Variants in CRIM1 observed in about 807,000 individuals in gnomAD.
The protein encoded by CRIM1 is cysteine rich transmembrane BMP regulator 1, also known as cysteine-rich motor neuron 1 protein.
A neutral mutation model predicts 116.4 loss-of-function variants in CRIM1; 32 were observed. The observed-to-expected ratio is 0.27, with a 90% confidence interval of 0.21 to 0.37. CRIM1 has a LOEUF of 0.37. Ranked by LOEUF, CRIM1 falls within the 10% of genes least tolerant of loss-of-function variation. The probability of loss-of-function intolerance (pLI) is 1.00; values close to 1 mark genes in which losing one functional copy is unlikely to be tolerated. For missense variants in CRIM1, 1,331 were observed against 1,354.8 expected, an observed-to-expected ratio of 0.98 and a Z score of 0.28; for synonymous variants, 590 against 509.2, an observed-to-expected ratio of 1.16 and a Z score of -2.13.
intron 4 of CRIM1, among the ~76,000 whole-genome samples, chr2:36,455,941 A>T (rs1677100118): frequency 6.6e-6 from 1 of 152,152 alleles, no homozygotes; most frequent in African/African-American, 2.4e-5. Context: ...TTCACTTTGC[A>T]CTGATGACAA....
chr2:36,467,437 T>C (rs1257899765), intron 5 of CRIM1, among the ~76,000 whole-genome samples: 1 of 152,232 alleles, frequency 6.6e-6, no homozygotes, highest in African/African-American at 2.4e-5. Context: ...TATATAAATA[T>C]ACTTACCACC....
At chr2:36,464,483 C>A (rs1423778054) in intron 4 of CRIM1, 51 bp from the exon 5 acceptor site, 1 of 1,609,044 alleles carries the variant, frequency 6.2e-7, no homozygotes, top group Non-Finnish European at 8.5e-7. Flanking sequence ...CTCCCGACTT[C>A]TATGTTGTTG....
rs1461055524 is a variant in CRIM1, at chr2:36,534,223, AGGAAGGAGGGTGG to A, written c.2429-3118_2429-3106del. On this transcript the variant is annotated intron_variant, in intron 13 of 16. Coordinates refer to ENST00000280527, the MANE Select transcript of CRIM1 (RefSeq NM_016441.3). Reference sequence around the variant, plus strand: ...GAGAAAAGGATGGGAAAGATAAGGAAGGAAGGAGGGTGGGGAAGGAGGGAGGGGGAAGGAGGAA... The same window carrying A: ...GAGAAAAGGATGGGAAAGATAAGGAAGGAAGGAGGGAGGGGGAAGGAGGAA... Among the ~76,000 whole-genome samples, 144 of 115,176 alleles carry A rather than the reference AGGAAGGAGGGTGG, an allele frequency of 1.3e-3. 1 individual carries two copies. Among genetic ancestry groups the A allele is most frequent in the African/African-American group, 4.7e-3 (137 of 29,304 alleles). The allele number at this position is 115,176 out of a possible 152,430, so 75.6% of individuals were successfully genotyped here.
chr2:36,419,141 G>A lies in CRIM1; in HGVS notation c.506-22117G>A, dbSNP rs567698468. Among the ~76,000 whole-genome samples the A allele has an allele frequency of 1.2e-3, 181 of 152,256 alleles. 1 individual carries two copies. Among genetic ancestry groups the A allele is most frequent in the Non-Finnish European group, 1.9e-3 (127 of 68,022 alleles). On this transcript the variant is annotated intron_variant, in intron 2 of 16. Transcript: ENST00000280527. The stretch of plus-strand genomic sequence containing the variant: ...TGGTAGAGTAGCTGAGTGGTTTATA[G>A]GCTTCCTATTCAAGAGGGAGGTGTC...
chr2:36,481,814 A>G (rs970747420), intron 7 of CRIM1, among the ~76,000 whole-genome samples: 4 of 152,160 alleles, frequency 2.6e-5, no homozygotes, highest in African/African-American at 9.7e-5. Context: ...CCTGCCCCAC[A>G]CAGCATCCCA....
Position 36,513,903 on chromosome 2 carries a change from A to G in CRIM1, c.1990+138A>G, listed in dbSNP as rs562249324. On this transcript the variant is annotated intron_variant, in intron 11 of 16. Coordinates refer to ENST00000280527, the MANE Select transcript of CRIM1 (RefSeq NM_016441.3). ...TTTCAGCACTGTGTGGTTTTTGTCA[A>G]CCACCACCACAGAATCATCCAGGCA... 24 of 687,482 alleles carry G rather than the reference A, an allele frequency of 3.5e-5. 1 individual carries two copies. The highest frequency in any genetic ancestry group is 2.2e-4 in the South Asian group (12 of 54,752). 42.6% of individuals were successfully genotyped at this position (687,482 alleles called of 1,614,324 possible). A position where few individuals can be genotyped will look rare whatever the true frequency, so the allele number is the denominator to read the frequency against.
chr2:36,366,275 A>G (rs983324371), intron 1 of CRIM1, among the ~76,000 whole-genome samples: 1 of 152,186 alleles, frequency 6.6e-6, no homozygotes, highest in African/African-American at 2.4e-5. Flanking sequence ...AAACTACTTT[A>G]GTACCTCTCA....
chr2:36,440,297 G>C lies in CRIM1; in HGVS notation c.506-961G>C, dbSNP rs145490718. Among the ~76,000 whole-genome samples the C allele has an allele frequency of 5.6e-4, 85 of 152,270 alleles. 1 individual carries two copies. In the East Asian group the frequency reaches 0.011, roughly 20 times the overall value. ...AATTCTGTGTTTGGGTTTTACTTTA[G>C]GAAGACCAATTAACACTTACGGAAA... is the stretch of plus-strand genomic sequence containing the variant. On this transcript the variant is annotated intron_variant, in intron 2 of 16. Transcript: ENST00000280527.
intron 12 of CRIM1, among the ~76,000 whole-genome samples, chr2:36,521,320 T>C (rs940447412): frequency 6.6e-6 from 1 of 152,186 alleles, no homozygotes; most frequent in South Asian, 2.1e-4. Flanking sequence ...AGATTTCTTA[T>C]CTTTCAGTCA....
chr2:36,380,104 A>G (rs150345260), intron 1 of CRIM1, among the ~76,000 whole-genome samples: 40 of 151,986 alleles, frequency 2.6e-4, no homozygotes, highest in African/African-American at 8.0e-4. Flanking sequence ...CTTCTCCCCA[A>G]TCTCCCCAGC....
At chr2:36,548,491 T>A in intron 16 of CRIM1, 34 bp from the exon 17 acceptor site, 1 of 1,499,586 alleles carries the variant, frequency 6.7e-7, no homozygotes, top group Non-Finnish European at 8.9e-7. Flanking sequence ...AGCAACTAAT[T>A]TTTTGTGGTT....
rs1333656211 is a variant in CRIM1 at position 36,356,906 on chromosome 2, C to T, written c.331+283C>T. On this transcript the variant is annotated intron_variant, in intron 1 of 16. Transcript: ENST00000280527. The surrounding 1 kb of genome is among the most constrained non-coding windows in gnomAD (Gnocchi z 4.3). Reference sequence around the variant, plus strand: ...GCAGACGCGCACACGTGTGGCCGTTCCTGCTGGGACTGGGTGGCCCGGCCT... The same window carrying T: ...GCAGACGCGCACACGTGTGGCCGTTTCTGCTGGGACTGGGTGGCCCGGCCT... Among the ~76,000 whole-genome samples, 1 of 152,120 alleles carries T rather than the reference C, an allele frequency of 6.6e-6. No homozygotes were observed. Among genetic ancestry groups the T allele is most frequent in the Non-Finnish European group, 1.5e-5 (1 of 68,012 alleles).
intron 15 of CRIM1, 122 bp from the exon 16 acceptor site, chr2:36,546,862 T>C (rs1172086252): frequency 6.7e-6 from 4 of 598,102 alleles, no homozygotes; most frequent in Non-Finnish European, 1.2e-5. Context: ...AATCACATTT[T>C]TAGCCTCAAA....
Position 36,448,773 on chromosome 2 carries a change from A to G in CRIM1, c.869+6038A>G, listed in dbSNP as rs138202796. 8.1e-4 allele frequency among the ~76,000 whole-genome samples: 124 copies of G among 152,312 alleles called. 1 individual carries two copies. The highest frequency in any genetic ancestry group is 2.9e-3 in the African/African-American group (120 of 41,566). On this transcript the variant is annotated intron_variant, in intron 4 of 16. Coordinates refer to ENST00000280527, the MANE Select transcript of CRIM1 (RefSeq NM_016441.3). Reference sequence around the variant, plus strand: ...CTTAAAAGTTATTGAGAAAAGTCCAATCCAGCTATTTTAAGGTAGAAATAA... The same window carrying G: ...CTTAAAAGTTATTGAGAAAAGTCCAGTCCAGCTATTTTAAGGTAGAAATAA...
intron 2 of CRIM1, among the ~76,000 whole-genome samples, chr2:36,436,247 T>C (rs1186274244): frequency 6.6e-6 from 1 of 152,140 alleles, no homozygotes; most frequent in Non-Finnish European, 1.5e-5. Context: ...GTAATTGTAC[T>C]ACATTTAAGT....
At chr2:36,406,264 T>C (rs1672785460) in intron 2 of CRIM1, among the ~76,000 whole-genome samples, 1 of 152,188 alleles carries the variant, frequency 6.6e-6, no homozygotes, top group Non-Finnish European at 1.5e-5. Flanking sequence ...AATTGTTCCA[T>C]TGGAGGGAGG....
At chr2:36,363,328 A>G (rs1669355703) in intron 1 of CRIM1, among the ~76,000 whole-genome samples, 1 of 152,224 alleles carries the variant, frequency 6.6e-6, no homozygotes, top group African/African-American at 2.4e-5. Flanking sequence ...GTGCATCCCT[A>G]ATGAGCAGTT....
intron 14 of CRIM1, among the ~76,000 whole-genome samples, chr2:36,537,924 C>G (rs1366432408): frequency 6.6e-6 from 1 of 152,210 alleles, no homozygotes; most frequent in Non-Finnish European, 1.5e-5. Flanking sequence ...AAAGCCATTA[C>G]ACTGTGAAAA....
chr2:36,472,856 A>G lies in CRIM1; in HGVS notation c.992-4033A>G, dbSNP rs534430560. Among the ~76,000 whole-genome samples the G allele has an allele frequency of 1.8e-4, 28 of 152,300 alleles. No individual in the cohort carries two copies. The South Asian group carries it at 4.8e-3, about 26-fold the overall frequency. On this transcript the variant is annotated intron_variant, in intron 5 of 16. Transcript: ENST00000280527. Reference sequence around the variant, plus strand: ...TAGTGTAGCTGCACAATTCCTTTCAATCCCAACTCAGATTAGTTTGTTAGC... The same window carrying G: ...TAGTGTAGCTGCACAATTCCTTTCAGTCCCAACTCAGATTAGTTTGTTAGC...
Sources: gnomAD v4.1 joint callset for allele counts (sites outside exome capture counted in the v4.1 genomes callset) on GRCh38, gnomAD v4.1.1 for gene constraint, Gnocchi (gnomAD v3.1) non-coding constraint, MANE v1.5 for transcripts, NCBI Gene and HGNC (gene_info 2026-07-23, HGNC 2026-07-21) for gene names.